Variants in CNTN4 observed in about 807,000 individuals in gnomAD.
The protein encoded by CNTN4 is contactin-4.
In CNTN4, 77 loss-of-function variants were observed where a neutral mutation model predicts 122.5. The observed-to-expected ratio is 0.63, with a 90% CI of 0.52 to 0.76. CNTN4 has a LOEUF of 0.76. Ranked by LOEUF, CNTN4 falls within the 30% of genes least tolerant of loss-of-function variation. CNTN4 has a pLI of 0.00. For synonymous variants in CNTN4, 512 were observed against 447.0 expected (o/e 1.15, Z -1.83); for missense variants, 1,256 against 1,259.1 (o/e 1.00, Z 0.04).
chr3:2,407,176 A>C (rs1288042246), intron 3 of CNTN4, among the ~76,000 whole-genome samples: 1 of 152,188 alleles, frequency 6.6e-6, no homozygotes, highest in African/African-American at 2.4e-5. Flanking sequence ...TGGCAGGAAT[A>C]AATGTTTGAT....
intron 7 of CNTN4, among the ~76,000 whole-genome samples, chr3:2,860,349 G>C (rs986403627): frequency 2.0e-5 from 3 of 152,124 alleles, no homozygotes; most frequent in Non-Finnish European, 4.4e-5. Context: ...AGTGGCGACT[G>C]GTGGTCCAAG....
chr3:2,596,155 G>T (rs2080761049), intron 4 of CNTN4, among the ~76,000 whole-genome samples: 1 of 152,086 alleles, frequency 6.6e-6, no homozygotes. Context: ...TAAGAATCCT[G>T]CAGTTTGACT....
At chr3:2,545,538 T>C (rs1237601570) in intron 3 of CNTN4, among the ~76,000 whole-genome samples, 1 of 152,122 alleles carries the variant, frequency 6.6e-6, no homozygotes, top group Non-Finnish European at 1.5e-5. Context: ...TGAATCTAGC[T>C]GCCCTTGTCT....
chr3:2,594,794 G>C (rs1174996250), intron 4 of CNTN4, among the ~76,000 whole-genome samples: 3 of 152,082 alleles, frequency 2.0e-5, no homozygotes, highest in Non-Finnish European at 2.9e-5. Flanking sequence ...GTGTGTGTGT[G>C]TCTGTACCTC....
chr3:2,868,120 G>A (rs141023769), intron 8 of CNTN4, among the ~76,000 whole-genome samples: 2 of 152,276 alleles, frequency 1.3e-5, no homozygotes, highest in Admixed American at 6.5e-5. Flanking sequence ...TCACACAAGT[G>A]AGGATACCAT....
Position 2,313,596 on chromosome 3 carries a change from C to T in CNTN4, c.-144-25582C>T, listed in dbSNP as rs539472853. ...TGACGCTCAGAATAAATATCAGGGC[C>T]GGAGGTGGGGTGGTGATTCTGAAAC... On this transcript the variant is annotated intron_variant, in intron 2 of 24. Transcript: ENST00000418658. Among the ~76,000 whole-genome samples the T allele has an allele frequency of 3.9e-5, 6 of 151,990 alleles. No individual in the cohort carries two copies. The South Asian group carries it at 1.0e-3, about 26-fold the overall frequency.
intron 6 of CNTN4, among the ~76,000 whole-genome samples, chr3:2,813,671 A>G (rs548339901): frequency 9.9e-5 from 15 of 152,124 alleles, no homozygotes; most frequent in African/African-American, 3.4e-4. Context: ...ACCTAAATAA[A>G]TTACTCTTTC....
At chr3:3,010,876 A>G (rs1202149045) in intron 14 of CNTN4, among the ~76,000 whole-genome samples, 19 of 152,178 alleles carry the variant, frequency 1.2e-4, no homozygotes, top group Admixed American at 1.2e-3. Context: ...TTCTAAATCT[A>G]TGTTCAGCAT....
At chr3:2,657,678 A>T (rs1269942130) in intron 4 of CNTN4, among the ~76,000 whole-genome samples, 1 of 151,938 alleles carries the variant, frequency 6.6e-6, no homozygotes, top group African/African-American at 2.4e-5. Context: ...CATGCATCGG[A>T]TGTGTATGTT....
intron 16 of CNTN4, 22 bp downstream of exon 16, chr3:3,030,997 G>A (rs1329130808): frequency 6.2e-7 from 1 of 1,613,866 alleles, no homozygotes; most frequent in African/African-American, 1.3e-5. Context: ...TGTTGTTATT[G>A]TTGTTCTTGA....
intron 2 of CNTN4, among the ~76,000 whole-genome samples, chr3:2,208,737 C>T (rs1036382904): frequency 6.6e-6 from 1 of 152,010 alleles, no homozygotes; most frequent in Non-Finnish European, 1.5e-5. Flanking sequence ...CCACAGTGAC[C>T]CCAAACCTTT....
intron 2 of CNTN4, among the ~76,000 whole-genome samples, chr3:2,269,358 C>T (rs1364423509): frequency 1.3e-5 from 2 of 152,006 alleles, no homozygotes; most frequent in Non-Finnish European, 2.9e-5. Context: ...GATGAATTTC[C>T]ACAGTTTGGT....
chr3:2,460,897 G>GT (rs1325276496), intron 3 of CNTN4, among the ~76,000 whole-genome samples: 1 of 80,428 alleles, frequency 1.2e-5, no homozygotes, highest in Non-Finnish European at 2.7e-5. Flanking sequence ...AAGAGTGAGA[G>GT]TTCTCATGTA....
chr3:2,464,220 C>A (rs889893456), intron 3 of CNTN4, among the ~76,000 whole-genome samples: 4 of 152,178 alleles, frequency 2.6e-5, no homozygotes, highest in African/African-American at 9.7e-5. Context: ...CCAAACATAA[C>A]ACACTACTGG....
At chr3:2,302,946 A>G (rs1158740638) in intron 2 of CNTN4, among the ~76,000 whole-genome samples, 2 of 152,240 alleles carry the variant, frequency 1.3e-5, no homozygotes, top group African/African-American at 4.8e-5. Context: ...TATGTTTTGT[A>G]TAATGGTGGA....
At chr3:2,099,565 G>C (rs1038052841) in intron 1 of CNTN4, 1 of 153,708 alleles carries the variant, frequency 6.5e-6, no homozygotes, top group African/African-American at 2.4e-5. Context: ...GCTGATGTCT[G>C]TGGCGCCCGC....
intron 2 of CNTN4, among the ~76,000 whole-genome samples, chr3:2,317,797 C>T (rs184634870): frequency 4.6e-5 from 7 of 152,216 alleles, no homozygotes; most frequent in South Asian, 4.1e-4. Context: ...TTCTTTAAAA[C>T]GACTGATGTG....
At chr3:2,409,961 A>G (rs2047172826) in intron 3 of CNTN4, among the ~76,000 whole-genome samples, 1 of 152,162 alleles carries the variant, frequency 6.6e-6, no homozygotes, top group African/African-American at 2.4e-5. Flanking sequence ...GTCACCACTA[A>G]GAAAAGATTC....
At chr3:2,272,487 G>A (rs534987974) in intron 2 of CNTN4, among the ~76,000 whole-genome samples, 2 of 152,184 alleles carry the variant, frequency 1.3e-5, no homozygotes, top group Non-Finnish European at 2.9e-5. Context: ...TGATGGAGAT[G>A]TGTAGTTTGG....
Sources: allele counts gnomAD v4.1 joint callset (sites outside exome capture counted in the v4.1 genomes callset), GRCh38; gene constraint gnomAD v4.1.1; transcripts MANE v1.5; gene names NCBI Gene and HGNC (gene_info 2026-07-23, HGNC 2026-07-21).